The following ARID3B variants were observed in gnomAD, a reference collection of about 807,000 sequenced individuals.
The protein encoded by ARID3B is AT-rich interactive domain-containing protein 3B.
In ARID3B, 10 loss-of-function variants were observed where a neutral mutation model predicts 51.9. The ratio of observed to expected loss-of-function variants is 0.19; its 90% CI spans 0.12 to 0.33. The LOEUF (loss-of-function observed/expected upper bound fraction) is 0.33. ARID3B is among the 10% of genes least tolerant of loss of function. The pLI is 1.00. For missense variants in ARID3B, 483 were observed against 716.3 expected, an observed-to-expected ratio of 0.67 and a Z score of 3.72; for synonymous variants, 205 against 279.5, an observed-to-expected ratio of 0.73 and a Z score of 2.66.
At chr15:74,551,997 C>G (rs2061639058) in intron 2 of ARID3B, among the ~76,000 whole-genome samples, 1 of 147,640 alleles carries the variant, frequency 6.8e-6, no homozygotes, top group Admixed American at 6.8e-5. Flanking sequence ...CTTTTGCTTT[C>G]TATAGTCCTT....
At chr15:74,562,059 AGC>A in intron 2 of ARID3B, among the ~76,000 whole-genome samples, 1 of 151,168 alleles carries the variant, frequency 6.6e-6, no homozygotes, top group South Asian at 2.1e-4. Context: ...AAAAAAAAAA[AGC>A]AGGCTAGGTT....
Position 74,544,312 on chromosome 15 carries a change from A to G in ARID3B, c.376A>G (p.Lys126Glu), listed in dbSNP as rs1440314790. Residue 126 changes from lysine to glutamate, a missense_variant, in exon 2 of 9, where the codon AAA (lysine) becomes GAA (glutamate). Lys to Glu is a moderately conservative substitution (Grantham distance 56, BLOSUM62 1). This residue lies in a region of ARID3B where 182 missense variants were observed against 244.5 expected (regional missense o/e 0.74). Coordinates refer to ENST00000346246, the MANE Select transcript of ARID3B (RefSeq NM_006465.4). Reference protein sequence around the residue: ...QAASKYFHVQKVARQDPRVAP... With the variant: ...QAASKYFHVQEVARQDPRVAP... ...TGCTTCAAAATATTTTCATGTGCAG[A>G]AAGTAGCTCGCCAAGATCCCAGAGT... The G allele has an allele frequency of 6.2e-7, 1 of 1,612,366 alleles. No individual in the cohort carries two copies. Among genetic ancestry groups the G allele is most frequent in the Non-Finnish European group, 8.5e-7 (1 of 1,179,146 alleles).
At chr15:74,560,754 G>C (rs2061676734) in intron 2 of ARID3B, among the ~76,000 whole-genome samples, 1 of 152,198 alleles carries the variant, frequency 6.6e-6, no homozygotes, top group African/African-American at 2.4e-5. Context: ...GAACATGTGA[G>C]TGTGAATGTA....
chr15:74,578,935 GAAGA>G (rs901988951), intron 4 of ARID3B, among the ~76,000 whole-genome samples: 8 of 152,140 alleles, frequency 5.3e-5, no homozygotes, highest in South Asian at 2.1e-4. Flanking sequence ...GAAATGCAAG[GAAGA>G]AAGAAAGAAA....
intron 2 of ARID3B, among the ~76,000 whole-genome samples, chr15:74,564,329 G>A (rs1425268852): frequency 6.6e-6 from 1 of 152,192 alleles, no homozygotes; most frequent in African/African-American, 2.4e-5. Flanking sequence ...TGAGGGCAAA[G>A]AGCATTTTTT....
At chr15:74,554,129 C>A (rs1049820196) in intron 2 of ARID3B, among the ~76,000 whole-genome samples, 1 of 152,158 alleles carries the variant, frequency 6.6e-6, no homozygotes, top group African/African-American at 2.4e-5. Context: ...GCCTCAGCCT[C>A]CCAAGTAGCT....
At chr15:74,556,567 T>C (rs2061658572) in intron 2 of ARID3B, among the ~76,000 whole-genome samples, 1 of 152,214 alleles carries the variant, frequency 6.6e-6, no homozygotes. Flanking sequence ...TTTTAACATC[T>C]ACCTCTCCAA....
intron 2 of ARID3B, among the ~76,000 whole-genome samples, chr15:74,550,999 A>G (rs918388951): frequency 2.0e-5 from 3 of 152,192 alleles, no homozygotes; most frequent in Admixed American, 1.3e-4. Flanking sequence ...AGACCCCCAC[A>G]TATACCAAAA....
chr15:74,573,441 G>C (rs1432394010), intron 4 of ARID3B: 1 of 552,008 alleles, frequency 1.8e-6, no homozygotes, highest in African/African-American at 1.9e-5. Context: ...GCCTGATTTT[G>C]TCTCTTCTTC....
chr15:74,555,684 C>T (rs1283034603), intron 2 of ARID3B, among the ~76,000 whole-genome samples: 2 of 151,894 alleles, frequency 1.3e-5, no homozygotes, highest in Non-Finnish European at 2.9e-5. Flanking sequence ...CTTGATGACA[C>T]CTAGAACAGT....
intron 2 of ARID3B, among the ~76,000 whole-genome samples, chr15:74,545,079 A>G (rs555474791): frequency 3.9e-5 from 6 of 152,334 alleles, no homozygotes; most frequent in Non-Finnish European, 5.9e-5. Flanking sequence ...TGAAGTTGCA[A>G]CAGTGTTGTG....
intron 4 of ARID3B, among the ~76,000 whole-genome samples, chr15:74,576,843 A>G (rs142172160): frequency 2.1e-3 from 313 of 152,198 alleles, no homozygotes; most frequent in African/African-American, 7.4e-3. Flanking sequence ...ATCAGACCCA[A>G]CCATGGAGGT....
At chr15:74,583,612 G>A (rs189779590) in intron 4 of ARID3B, among the ~76,000 whole-genome samples, 1 of 152,036 alleles carries the variant, frequency 6.6e-6, no homozygotes, top group East Asian at 1.9e-4. Flanking sequence ...AGCCACTTGG[G>A]AGCCGGAGGC....
chr15:74,560,756 G>A (rs1449328972), intron 2 of ARID3B, among the ~76,000 whole-genome samples: 2 of 152,194 alleles, frequency 1.3e-5, no homozygotes, highest in Non-Finnish European at 1.5e-5. Flanking sequence ...ACATGTGAGT[G>A]TGAATGTACT....
intron 2 of ARID3B, among the ~76,000 whole-genome samples, chr15:74,552,540 TG>T (rs1234886500): frequency 6.6e-6 from 1 of 151,270 alleles, no homozygotes; most frequent in Non-Finnish European, 1.5e-5. Flanking sequence ...TATCCGCCAT[TG>T]TAGTATCACA....
chr15:74,572,509 C>G (rs2061722586), intron 2 of ARID3B, among the ~76,000 whole-genome samples: 1 of 152,224 alleles, frequency 6.6e-6, no homozygotes, highest in South Asian at 2.1e-4. Flanking sequence ...GTGATGGCTT[C>G]TGGCGATCAG....
chr15:74,582,633 G>C (rs1377289764), intron 4 of ARID3B, among the ~76,000 whole-genome samples: 1 of 152,220 alleles, frequency 6.6e-6, no homozygotes. Flanking sequence ...AGCTGGGAGT[G>C]TAAAGGGATA....
rs554327203 is a variant in ARID3B, at chr15:74,555,603, A to T, written c.552+11115A>T. ...TGCCTCAGCTTCCCAAAGTGCTGGG[A>T]TTACAGGCATGAGCCACCATGCCTG... On this transcript the variant is annotated intron_variant, in intron 2 of 8. Transcript: ENST00000346246. 2.6e-5 allele frequency among the ~76,000 whole-genome samples: 4 copies of T among 152,108 alleles called. No homozygotes were observed. The South Asian group carries it at 8.3e-4, about 32-fold the overall frequency.
chr15:74,591,906 C>T lies in ARID3B; in HGVS notation c.1420+92C>T. 1 of 1,538,008 alleles carries T rather than the reference C, an allele frequency of 6.5e-7. No homozygotes were observed. Among genetic ancestry groups the T allele is most frequent in the Non-Finnish European group, 8.8e-7 (1 of 1,138,106 alleles). The stretch of plus-strand genomic sequence containing the variant: ...CTGGTGGGGCAGGGGTGGTGAGGCA[C>T]ATACTCCTGACCTGGAAGAGGCCCC... On this transcript the variant is annotated intron_variant, in intron 7 of 8. Transcript: ENST00000346246. This position sits in a 1 kb window ranked among gnomAD's most constrained non-coding sequence, Gnocchi z 5.8.
Sources: allele counts gnomAD v4.1 joint callset (sites outside exome capture counted in the v4.1 genomes callset), GRCh38; gene constraint gnomAD v4.1.1; regional missense constraint gnomAD v4.1.1; non-coding constraint Gnocchi (gnomAD v3.1); transcripts MANE v1.5; gene names NCBI Gene and HGNC (gene_info 2026-07-23, HGNC 2026-07-21).